Variants in PARD3B observed in about 807,000 individuals in gnomAD.
The protein encoded by PARD3B is partitioning defective 3 homolog B.
Under a neutral mutation model 130.2 loss-of-function variants are expected in PARD3B, and 103 were observed. That is an observed-to-expected ratio of 0.79 (90% CI 0.67 to 0.93). The LOEUF (loss-of-function observed/expected upper bound fraction) is 0.93, where lower values mean the gene tolerates loss of function less well. Ranked by LOEUF, PARD3B falls within the 40% of genes least tolerant of loss-of-function variation. The pLI, the probability that PARD3B is intolerant of heterozygous loss-of-function variation, is 0.00. For synonymous variants in PARD3B, 583 were observed against 553.2 expected (o/e 1.05, Z -0.76); for missense variants, 1,609 against 1,499.2 (o/e 1.07, Z -1.21).
chr2:205,465,502 T>G (rs2048590406), intron 20 of PARD3B, among the ~76,000 whole-genome samples: 2 of 152,234 alleles, frequency 1.3e-5, no homozygotes, highest in Non-Finnish European at 2.9e-5. Flanking sequence ...ATCTGAATTC[T>G]TTTTTCCCCT....
intron 18 of PARD3B, among the ~76,000 whole-genome samples, chr2:205,332,064 C>A (rs1001237769): frequency 6.6e-6 from 1 of 151,992 alleles, no homozygotes; most frequent in Admixed American, 6.6e-5. Flanking sequence ...GAAATCGTGC[C>A]ATTGTACTCT....
chr2:204,789,671 T>TA (rs2042131526), intron 2 of PARD3B, among the ~76,000 whole-genome samples: 1 of 152,324 alleles, frequency 6.6e-6, no homozygotes, highest in South Asian at 2.1e-4. Context: ...AAACTTTAGA[T>TA]AAAATACCTT....
chr2:205,022,456 C>T (rs1368457099), intron 3 of PARD3B, among the ~76,000 whole-genome samples: 1 of 152,182 alleles, frequency 6.6e-6, no homozygotes. Context: ...TGATTTTTCT[C>T]ATAAAATATG....
intron 2 of PARD3B, among the ~76,000 whole-genome samples, chr2:204,715,543 C>T (rs2038679970): frequency 6.8e-6 from 1 of 147,412 alleles, no homozygotes; most frequent in East Asian, 2.0e-4. Flanking sequence ...GGCACTTGAT[C>T]AGTTAAAACG....
At chr2:204,751,690 A>G (rs1413727682) in intron 2 of PARD3B, among the ~76,000 whole-genome samples, 1 of 152,222 alleles carries the variant, frequency 6.6e-6, no homozygotes, top group African/African-American at 2.4e-5. Flanking sequence ...TAATTGGTAG[A>G]TGATGAGTTG....
At chr2:205,541,365 T>TTC (rs1240848179) in intron 21 of PARD3B, among the ~76,000 whole-genome samples, 55 of 100,276 alleles carry the variant, frequency 5.5e-4, no homozygotes, top group African/African-American at 1.6e-3. Context: ...TTTTTTTTTT[T>TTC]GAGACAGAGT....
intron 1 of PARD3B, among the ~76,000 whole-genome samples, chr2:204,586,612 T>C (rs2032837848): frequency 1.3e-5 from 2 of 152,194 alleles, no homozygotes; most frequent in African/African-American, 4.8e-5. Flanking sequence ...CTGCGGTTAA[T>C]GATAGCTTTC....
intron 19 of PARD3B, among the ~76,000 whole-genome samples, chr2:205,418,492 G>A (rs1361797027): frequency 1.3e-5 from 2 of 152,054 alleles, no homozygotes; most frequent in African/African-American, 2.4e-5. Flanking sequence ...GCTGAAAGGG[G>A]GTTTAAAAAT....
intron 4 of PARD3B, among the ~76,000 whole-genome samples, chr2:205,062,854 A>G (rs1700140755): frequency 6.6e-6 from 1 of 152,128 alleles, no homozygotes; most frequent in Non-Finnish European, 1.5e-5. Context: ...CTATGTCTGT[A>G]TAAGAAAATA....
At chr2:205,388,807 G>T (rs888698209) in intron 18 of PARD3B, among the ~76,000 whole-genome samples, 2 of 152,176 alleles carry the variant, frequency 1.3e-5, no homozygotes, top group Admixed American at 6.5e-5. Context: ...CACTAGGTCA[G>T]CTCCTTCCAG....
chr2:204,649,523 T>C (rs1443379527), intron 1 of PARD3B, among the ~76,000 whole-genome samples: 1 of 151,892 alleles, frequency 6.6e-6, no homozygotes, highest in Non-Finnish European at 1.5e-5. Context: ...AACATCATTA[T>C]TATGCATGGT....
At chr2:204,996,835 C>T (rs1323097906) in intron 3 of PARD3B, among the ~76,000 whole-genome samples, 1 of 147,046 alleles carries the variant, frequency 6.8e-6, no homozygotes, top group African/African-American at 2.5e-5. Flanking sequence ...GTGGGAGTGA[C>T]CCGATTTTCC....
At chr2:204,773,063 A>G (rs572843185) in intron 2 of PARD3B, among the ~76,000 whole-genome samples, 65 of 152,158 alleles carry the variant, frequency 4.3e-4, no homozygotes, top group African/African-American at 1.5e-3. Context: ...TGTGTAATTG[A>G]TATGGGTAGA....
At chr2:204,741,604 C>A (rs957967985) in intron 2 of PARD3B, among the ~76,000 whole-genome samples, 1 of 152,140 alleles carries the variant, frequency 6.6e-6, no homozygotes, top group African/African-American at 2.4e-5. Flanking sequence ...TTTATTCTTA[C>A]TAGTTTGAGA....
At chr2:205,133,614 A>C (rs1301807137) in intron 10 of PARD3B, among the ~76,000 whole-genome samples, 1 of 152,194 alleles carries the variant, frequency 6.6e-6, no homozygotes, top group Non-Finnish European at 1.5e-5. Context: ...TCAAATTTTC[A>C]ACTTTATGTC....
chr2:204,892,024 T>C (rs2046467471), intron 2 of PARD3B, among the ~76,000 whole-genome samples: 1 of 152,202 alleles, frequency 6.6e-6, no homozygotes, highest in Admixed American at 6.5e-5. Context: ...TCATGACGCT[T>C]ATATTCTGCT....
Position 205,300,745 on chromosome 2 carries a change from A to G in PARD3B, c.2392+9A>G. On this transcript the variant is annotated intron_variant, in intron 17 of 22. Coordinates refer to ENST00000406610, the MANE Select transcript of PARD3B (RefSeq NM_001302769.2). The surrounding 1 kb of genome is among the most constrained non-coding windows in gnomAD (Gnocchi z 4.1). The stretch of plus-strand genomic sequence containing the variant: ...TGAAGAAATAGAAGCTGGTAGGATG[A>G]TATGCTTCCTTAAATGGCTTCTTCA... 1.2e-6 allele frequency: 2 copies of G among 1,601,960 alleles called. No homozygotes were observed. The highest frequency in any genetic ancestry group is 2.2e-5 in the South Asian group (2 of 90,832).
intron 20 of PARD3B, among the ~76,000 whole-genome samples, chr2:205,454,510 C>T (rs557754580): frequency 2.0e-5 from 3 of 152,116 alleles, no homozygotes; most frequent in African/African-American, 7.2e-5. Flanking sequence ...TTGGTATGAA[C>T]CCATCCAGAA....
intron 19 of PARD3B, among the ~76,000 whole-genome samples, chr2:205,423,311 C>A (rs2047036493): frequency 6.6e-6 from 1 of 152,192 alleles, no homozygotes; most frequent in African/African-American, 2.4e-5. Context: ...TTAAGGAAGA[C>A]CCTATCACTA....
Sources: gnomAD v4.1 joint callset for allele counts (sites outside exome capture counted in the v4.1 genomes callset) on GRCh38, gnomAD v4.1.1 for gene constraint, Gnocchi (gnomAD v3.1) non-coding constraint, MANE v1.5 for transcripts, NCBI Gene and HGNC (gene_info 2026-07-23, HGNC 2026-07-21) for gene names.